The following SLC48A1 variants were observed in gnomAD, a reference collection of about 807,000 sequenced individuals.
The protein encoded by SLC48A1 is heme transporter HRG1.
Under a neutral mutation model 14.8 loss-of-function variants are expected in SLC48A1, and 6 were observed. That is an observed-to-expected ratio of 0.41 (90% CI 0.22 to 0.80). The LOEUF is 0.80. Ranked by LOEUF, SLC48A1 falls within the 30% of genes least tolerant of loss-of-function variation. The pLI is 0.34. For synonymous variants in SLC48A1, 89 were observed against 90.0 expected (o/e 0.99, Z 0.06); for missense variants, 165 against 204.8 (o/e 0.81, Z 1.19).
At chr12:47,758,313 G>A (rs1942225417), upstream of SLC48A1, 5 of 1,434,438 alleles carry the variant, frequency 3.5e-6, no homozygotes, top group Non-Finnish European at 4.6e-6. Context: ...GCCCTTCTTA[G>A]TCCTCTTTGG....
At chr12:47,770,830 T>C, upstream of SLC48A1, 1 of 456,718 alleles carries the variant, frequency 2.2e-6, no homozygotes, top group Non-Finnish European at 4.4e-6. Context: ...ACCTTCAAAC[T>C]TGACATTCCA....
At chr12:47,776,464 G>A (rs1942755313) in intron 1 of SLC48A1, among the ~76,000 whole-genome samples, 1 of 150,126 alleles carries the variant, frequency 6.7e-6, no homozygotes, top group African/African-American at 2.4e-5. Context: ...TGCCTGATGT[G>A]TGGGAGGGGA....
upstream of SLC48A1, among the ~76,000 whole-genome samples, chr12:47,756,748 A>T (rs1232986904): frequency 6.6e-6 from 1 of 152,166 alleles, no homozygotes; most frequent in African/African-American, 2.4e-5. Context: ...AGGTGGGCAG[A>T]TCACGAGGTC....
upstream of SLC48A1, among the ~76,000 whole-genome samples, chr12:47,754,738 G>C (rs1322817585): frequency 6.6e-6 from 1 of 152,160 alleles, no homozygotes; most frequent in African/African-American, 2.4e-5. Context: ...CCAGGACACA[G>C]TGCAAAAAAA....
intron 2 of SLC48A1, among the ~76,000 whole-genome samples, chr12:47,779,521 TC>T (rs1372504059): frequency 1.3e-5 from 2 of 152,156 alleles, no homozygotes; most frequent in African/African-American, 2.4e-5. Context: ...AGGTCCTTCT[TC>T]CGGGAGTCTG....
At chr12:47,761,373 T>C (rs1011240797) in intron 2 of SLC48A1, among the ~76,000 whole-genome samples, 1 of 152,226 alleles carries the variant, frequency 6.6e-6, no homozygotes, top group Non-Finnish European at 1.5e-5. Context: ...TTCTTTTTCA[T>C]TCCCCCTCTC....
upstream of SLC48A1, chr12:47,758,403 C>A: frequency 6.5e-7 from 1 of 1,532,704 alleles, no homozygotes; most frequent in South Asian, 1.3e-5. Flanking sequence ...TTCACTAGGT[C>A]TCCCAGAAAT....
chr12:47,757,583 C>T (rs988208631), upstream of SLC48A1, among the ~76,000 whole-genome samples: 1 of 152,210 alleles, frequency 6.6e-6, no homozygotes, highest in South Asian at 2.1e-4. Flanking sequence ...AACTCAATGC[C>T]GGCTCACTGA....
At chr12:47,757,966 A>G, upstream of SLC48A1, 2 of 1,563,222 alleles carry the variant, frequency 1.3e-6, no homozygotes, top group Non-Finnish European at 1.7e-6. Context: ...CATGTTGAGT[A>G]GTGTCCCCTC....
At chr12:47,765,938 T>C (rs7135791) in intron 2 of SLC48A1, among the ~76,000 whole-genome samples, 1 of 151,710 alleles carries the variant, frequency 6.6e-6, no homozygotes. Flanking sequence ...TCCCAAGATC[T>C]GTCTTTCCCT....
At chr12:47,763,580 C>T (rs1018533332) in intron 2 of SLC48A1, among the ~76,000 whole-genome samples, 10 of 152,174 alleles carry the variant, frequency 6.6e-5, no homozygotes, top group Admixed American at 2.0e-4. Context: ...CTCTTGCCCC[C>T]GCTCCATCCC....
intron 2 of SLC48A1, among the ~76,000 whole-genome samples, chr12:47,761,401 G>C (rs571154946): frequency 3.9e-5 from 6 of 152,172 alleles, no homozygotes; most frequent in African/African-American, 9.7e-5. Context: ...ATTGAGAAGA[G>C]GACCTGGGGT....
Position 47,781,004 on chromosome 12 carries a change from A to T in SLC48A1, c.*723A>T. 4.2e-6 allele frequency: 2 copies of T among 478,164 alleles called. No homozygotes were observed. 29.6% of individuals were successfully genotyped at this position (478,164 alleles called of 1,614,324 possible). On this transcript the variant is annotated 3_prime_UTR_variant, in exon 3 of 3. Transcript: ENST00000442218. ...GGTTTCCATCCCCGCTGCCCTAGGC[A>T]CTCTCTTCCCAAGGCCAGGTTGGGC...
rs34356737 is a variant in SLC48A1 at position 47,773,809 on chromosome 12, A to AACAC, written c.136+386_136+389dup. Among the ~76,000 whole-genome samples the AACAC allele has an allele frequency of 8.8e-4, 133 of 150,708 alleles. 1 individual carries two copies. The South Asian group carries it at 0.01, about 11-fold the overall frequency. Reference sequence around the variant, plus strand: ...CGGCGCTGGTCGCCTCCTATCCCCAAACACACACACACACACACACGCACA... The same window carrying AACAC: ...CGGCGCTGGTCGCCTCCTATCCCCAAACACACACACACACACACACACACGCACA... On this transcript the variant is annotated intron_variant, in intron 1 of 2. Transcript: ENST00000442218.
Position 47,777,523 on chromosome 12 carries a change from C to T in SLC48A1, c.137-1505C>T, listed in dbSNP as rs958194107. Among the ~76,000 whole-genome samples the T allele has an allele frequency of 6.6e-6, 1 of 152,170 alleles. No individual in the cohort carries two copies. The highest frequency in any genetic ancestry group is 2.4e-5 in the African/African-American group (1 of 41,436). ...ACCAAGGCTTTGGGACACAGCAGTG[C>T]CAGGCTCCTGGTTTCTTGGCTTGGA... On this transcript the variant is annotated intron_variant, in intron 1 of 2. Coordinates refer to ENST00000442218, the MANE Select transcript of SLC48A1 (RefSeq NM_017842.3). The surrounding 1 kb of genome is among the most constrained non-coding windows in gnomAD (Gnocchi z 4.5).
At chr12:47,762,762 A>T (rs1465385222) in intron 2 of SLC48A1, among the ~76,000 whole-genome samples, 2 of 152,140 alleles carry the variant, frequency 1.3e-5, no homozygotes, top group African/African-American at 4.8e-5. Context: ...CCATATTCCT[A>T]AACACCATTG....
intron 2 of SLC48A1, among the ~76,000 whole-genome samples, chr12:47,760,822 C>A (rs781186015): frequency 3.4e-4 from 52 of 152,330 alleles, no homozygotes; most frequent in Non-Finnish European, 6.2e-4. Context: ...TCCACGTACT[C>A]ACCATGGTAT....
At chr12:47,758,371 CCT>C, upstream of SLC48A1, 1 of 1,484,594 alleles carries the variant, frequency 6.7e-7, no homozygotes, top group Admixed American at 2.4e-5. Flanking sequence ...ATCTCCACTA[CCT>C]CCCAGTATGA....
chr12:47,764,524 G>A (rs1942468063), intron 2 of SLC48A1, among the ~76,000 whole-genome samples: 1 of 152,226 alleles, frequency 6.6e-6, no homozygotes, highest in Non-Finnish European at 1.5e-5. Flanking sequence ...GCAGGGCCCT[G>A]TTCCCTGCTT....
Sources: gnomAD v4.1 joint callset for allele counts (sites outside exome capture counted in the v4.1 genomes callset) on GRCh38, gnomAD v4.1.1 for gene constraint, Gnocchi (gnomAD v3.1) non-coding constraint, MANE v1.5 for transcripts, NCBI Gene and HGNC (gene_info 2026-07-23, HGNC 2026-07-21) for gene names.